Variants in DEFA5 observed in about 807,000 individuals in gnomAD.
The protein encoded by DEFA5 is defensin alpha 5.
Under a neutral mutation model 8.7 loss-of-function variants are expected in DEFA5, and 11 were observed. The observed-to-expected ratio is 1.26, with a 90% confidence interval of 0.80 to 2.09. The LOEUF (loss-of-function observed/expected upper bound fraction) is 2.09, where lower values mean the gene tolerates loss of function less well. DEFA5 is among the 30% of genes most tolerant of loss of function. The pLI is 0.00. For missense variants in DEFA5, 181 were observed against 117.2 expected, an observed-to-expected ratio of 1.54 and a Z score of -2.52; for synonymous variants, 52 against 43.9, an observed-to-expected ratio of 1.18 and a Z score of -0.73.
Position 7,056,511 on chromosome 8 carries a change from A to C in DEFA5, c.172+15T>G. ...TTTCTAGATTTTGCAGATGTGCAAG[A>C]TTGATGTCTCCTACCTGAGGTTCTA... is the stretch of plus-strand genomic sequence containing the variant. On this transcript the variant is annotated intron_variant, in intron 1 of 1. Coordinates refer to ENST00000330590, the MANE Select transcript of DEFA5 (RefSeq NM_021010.3). The C allele has an allele frequency of 6.3e-7, 1 of 1,595,344 alleles. No individual in the cohort carries two copies. Among genetic ancestry groups the C allele is most frequent in the Non-Finnish European group, 8.6e-7 (1 of 1,165,728 alleles).
rs769660501 is a variant in DEFA5 at position 7,056,655 on chromosome 8, G to T, written c.43C>A (p.Leu15Met). Residue 15 changes from leucine to methionine, a missense_variant, in exon 1 of 2, where the codon CTG becomes ATG. Physicochemically the swap from Leu to Met is conservative, Grantham distance 15 (BLOSUM62 2). Coordinates refer to ENST00000330590, the MANE Select transcript of DEFA5 (RefSeq NM_021010.3). ...TGGAGTGACTCAGCCTGGGCCTGCA[G>T]GGCCACCAGGAGAATGGCAGCAAGG... The part of the protein sequence containing the change: ...AILAAILLVA[L>M]QAQAESLQER... The T allele has an allele frequency of 1.2e-6, 2 of 1,613,608 alleles. No individual in the cohort carries two copies. Among genetic ancestry groups the T allele is most frequent in the African/African-American group, 2.7e-5 (2 of 74,940 alleles).
chr8:7,055,321 A>G lies in DEFA5; in HGVS notation c.*110T>C. 1 of 797,456 alleles carries G rather than the reference A, an allele frequency of 1.3e-6. No individual in the cohort carries two copies. 49.4% of individuals were successfully genotyped at this position (797,456 alleles called of 1,614,324 possible). ...ACACTAAGTTTAATGCTTGAACTTTATTTTGGAGAGAGAAATTTAGAAAGA... is the reference window on the plus strand; with the variant it reads ...ACACTAAGTTTAATGCTTGAACTTTGTTTTGGAGAGAGAAATTTAGAAAGA... On this transcript the variant is annotated 3_prime_UTR_variant, in exon 2 of 2. Transcript: ENST00000330590.
In DEFA5 at chr8:7,055,499, C is replaced by T; in HGVS notation, c.217G>A (p.Ala73Thr). ...ACCCCGGAGAGGGACTCACGGGTAG[C>T]ACAACGGCCGGTTCGGCAATAGCAG... Reference protein sequence around the residue: ...ATCYCRTGRCATRESLSGVCE... With the variant: ...ATCYCRTGRCTTRESLSGVCE... Residue 73 changes from alanine to threonine, a missense_variant, in exon 2 of 2, where the codon GCT becomes ACT. Physicochemically the swap from Ala to Thr is moderately conservative, Grantham distance 58. Transcript: ENST00000330590. 6.2e-7 allele frequency: 1 copy of T among 1,613,778 alleles called. No individual in the cohort carries two copies. Among genetic ancestry groups the T allele is most frequent in the Non-Finnish European group, 8.5e-7 (1 of 1,179,914 alleles).
Position 7,055,345 on chromosome 8 carries a change from G to A in DEFA5, c.*86C>T. 1.0e-6 allele frequency: 1 copy of A among 953,276 alleles called. No homozygotes were observed. 59.1% of individuals were successfully genotyped at this position (953,276 alleles called of 1,614,324 possible). ...TATTTTGGAGAGAGAAATTTAGAAA[G>A]ACACAAGGTACACAGAGTAAAATGT... On this transcript the variant is annotated 3_prime_UTR_variant, in exon 2 of 2. Coordinates refer to ENST00000330590, the MANE Select transcript of DEFA5 (RefSeq NM_021010.3).
rs1403853225 is a variant in DEFA5, at chr8:7,055,486, G to T, written c.230C>A (p.Ser77Tyr). 1.2e-6 allele frequency: 2 copies of T among 1,613,888 alleles called. No homozygotes were observed. The highest frequency in any genetic ancestry group is 1.7e-6 in the Non-Finnish European group (2 of 1,179,930). The change falls in exon 2 of 2, where the codon TCC (serine) becomes TAC (tyrosine). Residue 77 changes from serine to tyrosine, a missense_variant. Physicochemically the swap from Ser to Tyr is moderately radical, Grantham distance 144. Coordinates refer to ENST00000330590, the MANE Select transcript of DEFA5 (RefSeq NM_021010.3). The part of the protein sequence containing the change: ...CRTGRCATRE[S>Y]LSGVCEISGR... ...ACTGATTTCACACACCCCGGAGAGG[G>T]ACTCACGGGTAGCACAACGGCCGGT...
At position 7,055,310 on chromosome 8, in the gene DEFA5, G is replaced by T; in HGVS notation, c.*121C>A. On this transcript the variant is annotated 3_prime_UTR_variant, in exon 2 of 2. Coordinates refer to ENST00000330590, the MANE Select transcript of DEFA5 (RefSeq NM_021010.3). The stretch of plus-strand genomic sequence containing the variant: ...AAAGGTCAAACACACTAAGTTTAAT[G>T]CTTGAACTTTATTTTGGAGAGAGAA... The T allele has an allele frequency of 1.4e-6, 1 of 730,622 alleles. No homozygotes were observed. The highest frequency in any genetic ancestry group is 2.3e-6 in the Non-Finnish European group (1 of 438,458). 45.3% of individuals were successfully genotyped at this position (730,622 alleles called of 1,614,324 possible).
intron 1 of DEFA5, 79 bp from the exon 2 acceptor site, chr8:7,055,622 C>G (rs1183540087): frequency 3.3e-6 from 3 of 906,314 alleles, no homozygotes; most frequent in Non-Finnish European, 5.4e-6. Flanking sequence ...CTGAGATAGT[C>G]TAAATAAGAG....
chr8:7,056,011 C>T (rs1218430989), intron 1 of DEFA5, among the ~76,000 whole-genome samples: 3 of 80,738 alleles, frequency 3.7e-5, no homozygotes, highest in East Asian at 3.3e-4. Flanking sequence ...TTCTCTGTCT[C>T]TCCTTTTTTT....
chr8:7,056,405 G>A, intron 1 of DEFA5, 121 bp downstream of exon 1: 4 of 1,003,826 alleles, frequency 4.0e-6, no homozygotes, highest in Non-Finnish European at 5.6e-6. Context: ...AGAAAATCAA[G>A]GTCCAGGAAG....
Position 7,056,653 on chromosome 8 carries a change from C to A in DEFA5, c.45G>T (p.Leu15=), listed in dbSNP as rs111618942. Residue 15 remains leucine (L), a synonymous_variant, in exon 1 of 2, where the codon CTG becomes CTT. Coordinates refer to ENST00000330590, the MANE Select transcript of DEFA5 (RefSeq NM_021010.3). ...AILAAILLVA[L]QAQAESLQER... ...CCTGGAGTGACTCAGCCTGGGCCTG[C>A]AGGGCCACCAGGAGAATGGCAGCAA... 2,355 of 1,613,642 alleles carry A rather than the reference C, an allele frequency of 1.5e-3. 26 individuals are homozygous for A. The African/African-American group carries it at 0.025, about 17-fold the overall frequency.
In DEFA5 at chr8:7,055,450, T is replaced by C. The variant is rs1434461167; in HGVS notation, c.266A>G (p.Tyr89Cys). 9.3e-6 allele frequency: 15 copies of C among 1,613,692 alleles called. No individual in the cohort carries two copies. The highest frequency in any genetic ancestry group is 5.0e-5 in the Admixed American group (3 of 59,984). Residue 89 changes from tyrosine (Y) to cysteine (C), a missense_variant, in exon 2 of 2, where the codon TAC (tyrosine) becomes TGC (cysteine). Physicochemically the swap from Tyr to Cys is radical, Grantham distance 194. Coordinates refer to ENST00000330590, the MANE Select transcript of DEFA5 (RefSeq NM_021010.3). Reference protein sequence around the residue: ...SGVCEISGRLYRLCCR With the variant: ...SGVCEISGRLCRLCCR ...GGAAGCTCAGCGACAGCAGAGTCTG[T>C]AGAGGCGGCCACTGATTTCACACAC...
chr8:7,056,476 C>T, intron 1 of DEFA5, 50 bp downstream of exon 1: 1 of 1,546,000 alleles, frequency 6.5e-7, no homozygotes, highest in African/African-American at 1.4e-5. Context: ...ATCCTTTCTC[C>T]AATCCTTTTT....
chr8:7,055,403 G>T lies in DEFA5; in HGVS notation c.*28C>A, dbSNP rs1455094634. On this transcript the variant is annotated 3_prime_UTR_variant, in exon 2 of 2. Transcript: ENST00000330590. ...TTTTCAGGACCTTGAACTGAATCTT[G>T]CACTGCTTTGGTTTCTATCTAGGAA... 5 of 1,554,430 alleles carry T rather than the reference G, an allele frequency of 3.2e-6. No homozygotes were observed. The highest frequency in any genetic ancestry group is 4.4e-6 in the Non-Finnish European group (5 of 1,127,556).
chr8:7,055,543 C>T lies in DEFA5; in HGVS notation c.173G>A (p.Gly58Asp), dbSNP rs200108720. ...ATAGCAGGTGGCTCTTGCCTGAGAA[C>T]CTGTGGAAAGAAGAGAGGGTCAGGC... ...GNGLSALRTS[G>D]SQARATCYCR... The change falls in exon 2 of 2, where the codon GGT becomes GAT. Residue 58 changes from glycine to aspartate, a missense_variant and splice_region_variant. Gly to Asp is a moderately conservative substitution (Grantham distance 94). Coordinates refer to ENST00000330590, the MANE Select transcript of DEFA5 (RefSeq NM_021010.3). 6.2e-7 allele frequency: 1 copy of T among 1,607,984 alleles called. No individual in the cohort carries two copies. The highest frequency in any genetic ancestry group is 8.5e-7 in the Non-Finnish European group (1 of 1,176,132).
chr8:7,055,446 T>A lies in DEFA5; in HGVS notation c.270A>T (p.Arg90Ser). 1 of 1,613,546 alleles carries A rather than the reference T, an allele frequency of 6.2e-7. No individual in the cohort carries two copies. Among genetic ancestry groups the A allele is most frequent in the Non-Finnish European group, 8.5e-7 (1 of 1,179,818 alleles). ...GVCEISGRLYRLCCR is the reference protein window; with the variant it reads ...GVCEISGRLYSLCCR ...TCTAGGAAGCTCAGCGACAGCAGAG[T>A]CTGTAGAGGCGGCCACTGATTTCAC... The change falls in exon 2 of 2, where the codon AGA (arginine) becomes AGT (serine). Residue 90 changes from arginine to serine, a missense_variant. Coordinates refer to ENST00000330590, the MANE Select transcript of DEFA5 (RefSeq NM_021010.3).
At chr8:7,056,125 T>C (rs148117127) in intron 1 of DEFA5, among the ~76,000 whole-genome samples, 27 of 151,730 alleles carry the variant, frequency 1.8e-4, no homozygotes, top group African/African-American at 6.5e-4. Flanking sequence ...GATCTAAGGA[T>C]GTATTGTAGA....
intron 1 of DEFA5, 58 bp downstream of exon 1, chr8:7,056,468 C>G: frequency 6.5e-7 from 1 of 1,529,340 alleles, no homozygotes; most frequent in Non-Finnish European, 8.9e-7. Context: ...GACTCCAGAT[C>G]CTTTCTCCAA....
chr8:7,056,106 T>G (rs1300028015), intron 1 of DEFA5, among the ~76,000 whole-genome samples: 1 of 151,266 alleles, frequency 6.6e-6, no homozygotes, highest in Admixed American at 6.6e-5. Context: ...AGACACAATA[T>G]GATGTTTTGA....
chr8:7,055,960 C>G (rs1466232952), intron 1 of DEFA5, among the ~76,000 whole-genome samples: 1 of 149,740 alleles, frequency 6.7e-6, no homozygotes, highest in Non-Finnish European at 1.5e-5. Context: ...TACTTTGGTG[C>G]TCAAGGAGTC....
Sources: gnomAD v4.1 joint callset for allele counts (sites outside exome capture counted in the v4.1 genomes callset) on GRCh38, gnomAD v4.1.1 for gene constraint, MANE v1.5 for transcripts, NCBI Gene and HGNC (gene_info 2026-07-23, HGNC 2026-07-21) for gene names.